TAOK3: variants seen among roughly 807,000 people sequenced by gnomAD.
TAOK3 encodes the protein TAO kinase 3, also known as serine/threonine-protein kinase TAO3.
Under a neutral mutation model 120.4 loss-of-function variants are expected in TAOK3, and 40 were observed. The ratio of observed to expected loss-of-function variants is 0.33; its 90% confidence interval spans 0.26 to 0.43. The LOEUF (loss-of-function observed/expected upper bound fraction) is 0.43. TAOK3 is among the 20% of genes least tolerant of loss of function. The pLI is 1.00. For synonymous variants in TAOK3, 355 were observed against 387.5 expected, an observed-to-expected ratio of 0.92 and a Z score of 0.99; for missense variants, 821 against 1,112.1, an observed-to-expected ratio of 0.74 and a Z score of 3.72.
At chr12:118,265,236 A>G (rs1194768922) in intron 2 of TAOK3, among the ~76,000 whole-genome samples, 2 of 151,922 alleles carry the variant, frequency 1.3e-5, no homozygotes, top group African/African-American at 2.4e-5. Flanking sequence ...TAAAAATACA[A>G]AAACTAGCCG....
chr12:118,287,145 A>G (rs2042295470), intron 1 of TAOK3, among the ~76,000 whole-genome samples: 1 of 152,164 alleles, frequency 6.6e-6, no homozygotes, highest in Non-Finnish European at 1.5e-5. Flanking sequence ...GGTGCACCAA[A>G]ATCTCACAAA....
At chr12:118,196,058 TA>T (rs2037710200) in intron 13 of TAOK3, among the ~76,000 whole-genome samples, 1 of 110,556 alleles carries the variant, frequency 9.0e-6, no homozygotes, top group Non-Finnish European at 2.2e-5. Flanking sequence ...TCAAAATAAA[TA>T]AATAAATAAA....
At chr12:118,277,904 C>T (rs547326486) in intron 1 of TAOK3, among the ~76,000 whole-genome samples, 4 of 152,252 alleles carry the variant, frequency 2.6e-5, no homozygotes, top group East Asian at 3.9e-4. Context: ...ATAATCTTGT[C>T]TTACCCAAGG....
intron 1 of TAOK3, among the ~76,000 whole-genome samples, chr12:118,306,554 G>A (rs1041077262): frequency 6.6e-6 from 1 of 151,954 alleles, no homozygotes; most frequent in African/African-American, 2.4e-5. Flanking sequence ...AAATGGATGT[G>A]AAACGTTTCA....
At chr12:118,199,372 C>A in intron 12 of TAOK3, 115 bp from the exon 13 acceptor site, 1 of 774,234 alleles carries the variant, frequency 1.3e-6, no homozygotes. Flanking sequence ...TTCTGCCAAT[C>A]TGCAAAGACA....
chr12:118,248,891 T>C (rs1370360888), intron 3 of TAOK3, among the ~76,000 whole-genome samples: 3 of 152,198 alleles, frequency 2.0e-5, no homozygotes, highest in African/African-American at 7.2e-5. Flanking sequence ...ATTCTATAGA[T>C]GTGAACTTTT....
intron 1 of TAOK3, among the ~76,000 whole-genome samples, chr12:118,276,600 G>C (rs1421817799): frequency 1.3e-5 from 2 of 152,116 alleles, no homozygotes; most frequent in African/African-American, 4.8e-5. Flanking sequence ...TACTCTGGAG[G>C]CTGAGGCAGG....
Position 118,150,695 on chromosome 12 carries a change from T to C in TAOK3, c.*302A>G, listed in dbSNP as rs2034329068. 1 of 244,138 alleles carries C rather than the reference T, an allele frequency of 4.1e-6. No homozygotes were observed. The highest frequency in any genetic ancestry group is 5.1e-5 in the Admixed American group (1 of 19,710). 15.1% of individuals were successfully genotyped at this position (244,138 alleles called of 1,614,324 possible). ...TTTTGTTGTTGGTTTATTGGTTTTG[T>C]TAAAACTGTCTCCAAAGTTTTCACT... On this transcript the variant is annotated 3_prime_UTR_variant, in exon 21 of 21. Transcript: ENST00000392533.
At chr12:118,183,308 C>T (rs1000134834) in intron 14 of TAOK3, among the ~76,000 whole-genome samples, 2 of 152,158 alleles carry the variant, frequency 1.3e-5, no homozygotes, top group Admixed American at 6.5e-5. Context: ...GAGTGCTGTT[C>T]TGTAACTAGA....
rs1179859046 is a variant in TAOK3 at position 118,371,903 on chromosome 12, G to C, written c.-194+745C>G. 1.3e-5 allele frequency among the ~76,000 whole-genome samples: 2 copies of C among 150,810 alleles called. No homozygotes were observed. The highest frequency in any genetic ancestry group is 3.0e-5 in the Non-Finnish European group (2 of 67,600). ...TCTGGGGGTCCCCTCCTCTCACCCCGCTGTCCTGGCCCCTCTCGGGGTCAC... is the reference window on the plus strand; with the variant it reads ...TCTGGGGGTCCCCTCCTCTCACCCCCCTGTCCTGGCCCCTCTCGGGGTCAC... On this transcript the variant is annotated intron_variant, in intron 1 of 20. Coordinates refer to ENST00000392533, the MANE Select transcript of TAOK3 (RefSeq NM_016281.4). The surrounding 1 kb of genome is among the most constrained non-coding windows in gnomAD (Gnocchi z 5.5).
intron 1 of TAOK3, among the ~76,000 whole-genome samples, chr12:118,282,777 T>C (rs1043473219): frequency 6.6e-6 from 1 of 152,156 alleles, no homozygotes; most frequent in Non-Finnish European, 1.5e-5. Context: ...GCCCTGAGCT[T>C]GCAAGATTCA....
At chr12:118,198,896 T>C in intron 13 of TAOK3, 155 bp downstream of exon 13, 1 of 710,134 alleles carries the variant, frequency 1.4e-6, no homozygotes, top group African/African-American at 1.7e-5. Flanking sequence ...TAGTCCTTTG[T>C]TACTTTTTGA....
At chr12:118,249,607 G>C (rs1040447918) in intron 3 of TAOK3, among the ~76,000 whole-genome samples, 7 of 150,544 alleles carry the variant, frequency 4.6e-5, no homozygotes, top group African/African-American at 1.7e-4. Context: ...AGGATCACTT[G>C]AGCCCAGGAG....
At chr12:118,275,043 T>C (rs528645677) in intron 1 of TAOK3, among the ~76,000 whole-genome samples, 1 of 152,360 alleles carries the variant, frequency 6.6e-6, no homozygotes, top group Non-Finnish European at 1.5e-5. Context: ...ATGGTGGTGA[T>C]GTGTCTACAT....
intron 12 of TAOK3, chr12:118,199,559 CA>C: frequency 2.6e-6 from 1 of 381,268 alleles, no homozygotes; most frequent in Non-Finnish European, 4.9e-6. Flanking sequence ...ATTCAGTAAG[CA>C]AAATCAAGCC....
intron 1 of TAOK3, among the ~76,000 whole-genome samples, chr12:118,352,527 TACACATATATATAC>T (rs1275849235): frequency 6.6e-6 from 1 of 150,650 alleles, no homozygotes; most frequent in Non-Finnish European, 1.5e-5. Flanking sequence ...ATCATATATA[TACACATATATATAC>T]ACACATATAT....
chr12:118,287,454 T>C (rs2042306530), intron 1 of TAOK3, among the ~76,000 whole-genome samples: 1 of 152,144 alleles, frequency 6.6e-6, no homozygotes, highest in African/African-American at 2.4e-5. Flanking sequence ...GGTTTCACCA[T>C]GTTGGCTAGG....
chr12:118,229,196 G>A (rs1478987618), intron 9 of TAOK3, among the ~76,000 whole-genome samples: 2 of 151,906 alleles, frequency 1.3e-5, no homozygotes, highest in Non-Finnish European at 2.9e-5. Flanking sequence ...CGCCTCCCAG[G>A]TTCAGATGAT....
chr12:118,170,042 T>C (rs182873228), intron 17 of TAOK3, among the ~76,000 whole-genome samples: 56 of 152,300 alleles, frequency 3.7e-4, no homozygotes, highest in African/African-American at 1.3e-3. Flanking sequence ...TTAGTATATG[T>C]CAAGTCCTGT....
Sources: gnomAD v4.1 joint callset for allele counts (sites outside exome capture counted in the v4.1 genomes callset) on GRCh38, gnomAD v4.1.1 for gene constraint, Gnocchi (gnomAD v3.1) non-coding constraint, MANE v1.5 for transcripts, NCBI Gene and HGNC (gene_info 2026-07-23, HGNC 2026-07-21) for gene names.